The following POU6F2 variants were observed in gnomAD, a reference collection of about 807,000 sequenced individuals.
POU6F2 encodes POU domain, class 6, transcription factor 2.
A neutral mutation model predicts 71.3 loss-of-function variants in POU6F2; 31 were observed. The ratio of observed to expected loss-of-function variants is 0.43; its 90% CI spans 0.33 to 0.59. The LOEUF (loss-of-function observed/expected upper bound fraction) is 0.59. Among genes scored for constraint, POU6F2 ranks in the 20% least tolerant of loss-of-function variants. The probability of loss-of-function intolerance (pLI) is 0.04; values close to 1 mark genes in which losing one functional copy is unlikely to be tolerated. For missense variants in POU6F2, 783 were observed against 856.8 expected (o/e 0.91, Z 1.07); for synonymous variants, 347 against 355.7 (o/e 0.98, Z 0.27).
intron 4 of POU6F2, among the ~76,000 whole-genome samples, chr7:39,208,123 T>A (rs1011549198): frequency 3.3e-5 from 5 of 152,250 alleles, no homozygotes; most frequent in Non-Finnish European, 5.9e-5. Flanking sequence ...AAAATTGTGT[T>A]ATTTGAGCTC....
chr7:39,124,753 G>A (rs2039065658), intron 2 of POU6F2, among the ~76,000 whole-genome samples: 1 of 152,198 alleles, frequency 6.6e-6, no homozygotes, highest in Admixed American at 6.5e-5. Flanking sequence ...CCTGTTAGTG[G>A]AAGAGGTGCA....
intron 5 of POU6F2, among the ~76,000 whole-genome samples, chr7:39,353,162 A>T (rs1475767472): frequency 1.3e-5 from 2 of 152,234 alleles, no homozygotes; most frequent in Non-Finnish European, 2.9e-5. Flanking sequence ...CCTGCCCCAG[A>T]TTGGACGGGC....
chr7:39,418,405 A>G (rs1307151805), intron 6 of POU6F2, among the ~76,000 whole-genome samples: 1 of 152,142 alleles, frequency 6.6e-6, no homozygotes, highest in East Asian at 1.9e-4. Context: ...GAAAAGTTAA[A>G]CAGGTCAGGC....
intron 4 of POU6F2, among the ~76,000 whole-genome samples, chr7:39,318,788 G>T (rs1785324641): frequency 6.6e-6 from 1 of 152,148 alleles, no homozygotes; most frequent in Admixed American, 6.5e-5. Flanking sequence ...GCTACTGCTA[G>T]GTAATATAAA....
chr7:39,297,839 G>C (rs1784881750), intron 4 of POU6F2, among the ~76,000 whole-genome samples: 1 of 152,122 alleles, frequency 6.6e-6, no homozygotes. Flanking sequence ...AGAGACCTCA[G>C]AAATAACACC....
At chr7:39,436,989 G>A (rs1415163424) in intron 7 of POU6F2, among the ~76,000 whole-genome samples, 1 of 152,194 alleles carries the variant, frequency 6.6e-6, no homozygotes, top group Non-Finnish European at 1.5e-5. Context: ...GATCGTGGTG[G>A]ATAAGTTTTG....
intron 5 of POU6F2, among the ~76,000 whole-genome samples, chr7:39,391,598 C>T (rs904750395): frequency 1.3e-5 from 2 of 152,178 alleles, no homozygotes; most frequent in Non-Finnish European, 1.5e-5. Flanking sequence ...TCCCAAGTTT[C>T]ATACCAAAGT....
At chr7:39,368,185 C>T (rs1172496137) in intron 5 of POU6F2, among the ~76,000 whole-genome samples, 3 of 152,184 alleles carry the variant, frequency 2.0e-5, no homozygotes, top group African/African-American at 7.2e-5. Context: ...AGGCAGAAAA[C>T]TAGGCCTCTT....
chr7:39,159,287 AT>A (rs749625119), intron 2 of POU6F2, among the ~76,000 whole-genome samples: 31 of 152,106 alleles, frequency 2.0e-4, no homozygotes, highest in Non-Finnish European at 4.1e-4. Context: ...CTTATCTTTC[AT>A]TGGCAGTTTA....
chr7:39,383,793 G>A (rs1231251439), intron 5 of POU6F2, among the ~76,000 whole-genome samples: 3 of 152,186 alleles, frequency 2.0e-5, no homozygotes, highest in African/African-American at 7.2e-5. Context: ...CAAACCTACT[G>A]AGAAAGTACA....
chr7:39,085,915 T>G lies in POU6F2; in HGVS notation c.161T>G (p.Met54Arg). 1 of 1,613,302 alleles carries G rather than the reference T, an allele frequency of 6.2e-7. No individual in the cohort carries two copies. The highest frequency in any genetic ancestry group is 1.1e-5 in the South Asian group (1 of 91,036). The change falls in exon 2 of 10, where the codon ATG (methionine) becomes AGG (arginine). Residue 54 changes from methionine to arginine, a missense_variant. Met to Arg is a moderately conservative substitution (Grantham distance 91). Around this residue, in one of 2 missense-constraint regions of POU6F2, gnomAD observed 572 missense variants for 572.9 expected, o/e 1.00. Coordinates refer to ENST00000518318, the MANE Select transcript of POU6F2 (RefSeq NM_001370959.1). ...CCCTTGCTGTCAGTGCGGAGTGAAA[T>G]GAATGCGGAGTTGAGAGGTGAGGAC... ...SKPLLSVRSE[M>R]NAELRGEDKA...
chr7:39,430,539 G>A (rs1383639061), intron 6 of POU6F2, among the ~76,000 whole-genome samples: 1 of 152,208 alleles, frequency 6.6e-6, no homozygotes, highest in African/African-American at 2.4e-5. Context: ...TTAAGGAAGA[G>A]GCTGATGACT....
chr7:39,266,429 C>T (rs74431356), intron 4 of POU6F2, among the ~76,000 whole-genome samples: 6,514 of 152,276 alleles, frequency 0.043, 201 homozygotes, highest in African/African-American at 0.089. Context: ...TGCTCAGGCC[C>T]TCCTTGGCAG....
chr7:38,989,472 G>T (rs1788545334), intron 1 of POU6F2, among the ~76,000 whole-genome samples: 1 of 151,892 alleles, frequency 6.6e-6, no homozygotes, highest in Non-Finnish European at 1.5e-5. Context: ...TGACATAATA[G>T]AATAGATATT....
At chr7:39,408,182 C>T (rs1787480904) in intron 6 of POU6F2, among the ~76,000 whole-genome samples, 1 of 152,184 alleles carries the variant, frequency 6.6e-6, no homozygotes, top group South Asian at 2.1e-4. Flanking sequence ...AGAAATAGGA[C>T]ACCCTGCCTC....
At chr7:39,327,870 A>G (rs1290336737) in intron 4 of POU6F2, among the ~76,000 whole-genome samples, 1 of 150,078 alleles carries the variant, frequency 6.7e-6, no homozygotes, top group Non-Finnish European at 1.5e-5. Flanking sequence ...AAAAAAAAAG[A>G]TGGTGTTCCA....
At chr7:39,002,550 T>C (rs7784348) in intron 1 of POU6F2, among the ~76,000 whole-genome samples, 7,050 of 152,300 alleles carry the variant, frequency 0.046, 404 homozygotes, top group African/African-American at 0.14. Flanking sequence ...TTTCACCTTG[T>C]TGGCCAGGCT....
Position 39,155,864 on chromosome 7 carries a change from A to G in POU6F2, c.278-48371A>G, listed in dbSNP as rs143837558. Among the ~76,000 whole-genome samples the G allele has an allele frequency of 2.1e-3, 318 of 152,304 alleles. 1 individual carries two copies. Among genetic ancestry groups the G allele is most frequent in the African/African-American group, 7.2e-3 (298 of 41,548 alleles). ...TTTTATATAAAATGTGTAAATAGCC[A>G]TATGGCAAACACTATTCAATTAGCC... On this transcript the variant is annotated intron_variant, in intron 2 of 9. Transcript: ENST00000518318.
At position 39,076,610 on chromosome 7, in the gene POU6F2, A is replaced by AT. The variant is rs553078755; in HGVS notation, c.106-9249dup. ...ATCGCATCTGTGATGCATTGCCAAT[A>AT]TGCAATATGGGCAGATCTGTGGAAC... is the stretch of plus-strand genomic sequence containing the variant. On this transcript the variant is annotated intron_variant, in intron 1 of 9. Transcript: ENST00000518318. Among the ~76,000 whole-genome samples the AT allele has an allele frequency of 4.4e-4, 67 of 152,358 alleles. 1 individual carries two copies. In the East Asian group the frequency reaches 7.5e-3, roughly 17 times the overall value.
Sources: allele counts gnomAD v4.1 joint callset (sites outside exome capture counted in the v4.1 genomes callset), GRCh38; gene constraint gnomAD v4.1.1; regional missense constraint gnomAD v4.1.1; transcripts MANE v1.5; gene names NCBI Gene and HGNC (gene_info 2026-07-23, HGNC 2026-07-21).